GLG1: variants seen among roughly 807,000 people sequenced by gnomAD.
GLG1 encodes Golgi apparatus protein 1.
GLG1 carries 38 observed loss-of-function variants against 160.5 expected under a neutral mutation model. That is an observed-to-expected ratio of 0.24 (90% CI 0.18 to 0.31). The LOEUF (loss-of-function observed/expected upper bound fraction) is 0.31, where lower values mean the gene tolerates loss of function less well. GLG1 is among the 10% of genes least tolerant of loss of function. The pLI is 1.00. For missense variants in GLG1, 1,373 were observed against 1,505.2 expected, an observed-to-expected ratio of 0.91 and a Z score of 1.45; for synonymous variants, 644 against 543.4, an observed-to-expected ratio of 1.19 and a Z score of -2.57.
chr16:74,600,184 A>G (rs1352883555), intron 1 of GLG1, among the ~76,000 whole-genome samples: 1 of 152,184 alleles, frequency 6.6e-6, no homozygotes, highest in South Asian at 2.1e-4. Flanking sequence ...AGTTTCATAT[A>G]TATTAGAGAA....
Position 74,482,720 on chromosome 16 carries a change from C to A in GLG1, c.1673+303G>T, listed in dbSNP as rs145737684. Reference sequence around the variant, plus strand: ...GACATATCTGAAGGCGCTTTTGCCACCCCCACAGGTGCCATACTTCTTACT... The same window carrying A: ...GACATATCTGAAGGCGCTTTTGCCAACCCCACAGGTGCCATACTTCTTACT... On this transcript the variant is annotated intron_variant, in intron 10 of 25. Transcript: ENST00000422840. Among the ~76,000 whole-genome samples the A allele has an allele frequency of 4.6e-3, 702 of 152,292 alleles. 7 individuals are homozygous for A. The highest frequency in any genetic ancestry group is 0.017 in the African/African-American group (688 of 41,554).
chr16:74,550,716 G>A (rs1474096920), intron 1 of GLG1, among the ~76,000 whole-genome samples: 2 of 152,038 alleles, frequency 1.3e-5, no homozygotes, highest in Admixed American at 1.3e-4. Flanking sequence ...AGGGGGACAA[G>A]CTTGGCAGCA....
chr16:74,605,219 T>G (rs938503902), intron 1 of GLG1, among the ~76,000 whole-genome samples: 4 of 145,694 alleles, frequency 2.7e-5, no homozygotes, highest in African/African-American at 1.0e-4. Flanking sequence ...TTCCAATTTA[T>G]ATGACGCCTT....
intron 2 of GLG1, among the ~76,000 whole-genome samples, chr16:74,531,481 G>C (rs1162297182): frequency 6.6e-6 from 1 of 152,138 alleles, no homozygotes; most frequent in Non-Finnish European, 1.5e-5. Context: ...GCCATGCCCA[G>C]CTAATTTTTG....
chr16:74,509,645 C>T lies in GLG1; in HGVS notation c.472-720G>A, dbSNP rs533428102. ...CGGGCGGATCACGAGGTCAGGAGAT[C>T]GAGACCATCCTGGCTAACACAGTGA... On this transcript the variant is annotated intron_variant, in intron 2 of 25. Coordinates refer to ENST00000422840, the MANE Select transcript of GLG1 (RefSeq NM_001145667.2). Among the ~76,000 whole-genome samples, 272 of 151,852 alleles carry T rather than the reference C, an allele frequency of 1.8e-3. 1 individual carries two copies. Among genetic ancestry groups the T allele is most frequent in the African/African-American group, 6.4e-3 (264 of 41,406 alleles).
chr16:74,583,223 T>C lies in GLG1; in HGVS notation c.438+23434A>G, dbSNP rs542270538. ...TTGGCCATTTTCATAGCCCCAACTA[T>C]AGCCTTATAAGCAGGATGACTCTAA... On this transcript the variant is annotated intron_variant, in intron 1 of 25. Transcript: ENST00000422840. 4.6e-5 allele frequency among the ~76,000 whole-genome samples: 7 copies of C among 152,334 alleles called. No individual in the cohort carries two copies. In the South Asian group the frequency reaches 1.0e-3, roughly 23 times the overall value.
At chr16:74,498,728 G>T (rs1168879668) in intron 4 of GLG1, among the ~76,000 whole-genome samples, 1 of 149,930 alleles carries the variant, frequency 6.7e-6, no homozygotes, top group Non-Finnish European at 1.5e-5. Flanking sequence ...AGGTGGGTGT[G>T]GTGACACGTA....
chr16:74,479,698 G>A lies in GLG1; in HGVS notation c.1827+543C>T, dbSNP rs1414264373. ...AGAAGGTAGAGAAAGCCATCGTGGA[G>A]AACAAGTGCATGTCAGTGCGCACCG... On this transcript the variant is annotated intron_variant, in intron 11 of 25. Coordinates refer to ENST00000422840, the MANE Select transcript of GLG1 (RefSeq NM_001145667.2). Among the ~76,000 whole-genome samples the A allele has an allele frequency of 4.6e-5, 7 of 152,192 alleles. No individual in the cohort carries two copies. In the East Asian group the frequency reaches 1.2e-3, roughly 25 times the overall value.
At chr16:74,489,362 T>C (rs1336698231) in intron 8 of GLG1, among the ~76,000 whole-genome samples, 1 of 151,706 alleles carries the variant, frequency 6.6e-6, no homozygotes, top group African/African-American at 2.4e-5. Flanking sequence ...TCCCAGCTAC[T>C]CAGGAGGTTG....
At chr16:74,557,033 C>T (rs2018372942) in intron 1 of GLG1, among the ~76,000 whole-genome samples, 1 of 152,064 alleles carries the variant, frequency 6.6e-6, no homozygotes, top group Non-Finnish European at 1.5e-5. Flanking sequence ...ACTCCCCATA[C>T]ATTAAAGATA....
intron 2 of GLG1, among the ~76,000 whole-genome samples, chr16:74,524,653 G>C (rs771413971): frequency 6.6e-6 from 1 of 151,970 alleles, no homozygotes; most frequent in African/African-American, 2.4e-5. Flanking sequence ...AAGTACATAA[G>C]GATATAAATG....
intron 4 of GLG1, among the ~76,000 whole-genome samples, chr16:74,501,087 T>C (rs1299595919): frequency 3.9e-5 from 6 of 152,234 alleles, no homozygotes; most frequent in African/African-American, 7.2e-5. Flanking sequence ...AGCCTGTTGT[T>C]TTCTGTGTTC....
At chr16:74,597,851 C>CAAA (rs34802935) in intron 1 of GLG1, among the ~76,000 whole-genome samples, 3 of 103,078 alleles carry the variant, frequency 2.9e-5, no homozygotes. Context: ...GAGACTGCCT[C>CAAA]AAAAAAAAAA....
At chr16:74,465,044 G>T (rs1324143339) in intron 19 of GLG1, among the ~76,000 whole-genome samples, 1 of 152,034 alleles carries the variant, frequency 6.6e-6, no homozygotes, top group Non-Finnish European at 1.5e-5. Flanking sequence ...TCACCATGTT[G>T]GCCAGGCTGG....
chr16:74,584,027 C>A (rs1461893356), intron 1 of GLG1, among the ~76,000 whole-genome samples: 1 of 152,104 alleles, frequency 6.6e-6, no homozygotes, highest in African/African-American at 2.4e-5. Flanking sequence ...CTCCTTTGGC[C>A]CAAGTCTGTT....
Position 74,459,627 on chromosome 16 carries a change from GA to G in GLG1, c.3144+54del. On this transcript the variant is annotated intron_variant, in intron 23 of 25. Coordinates refer to ENST00000422840, the MANE Select transcript of GLG1 (RefSeq NM_001145667.2). Reference sequence around the variant, plus strand: ...AGGCAGACTACAGCATTAAAAGGAAGAAGAGAAAAAAAAAAAAAGAAATGAA... The same window carrying G: ...AGGCAGACTACAGCATTAAAAGGAAGAGAGAAAAAAAAAAAAAGAAATGAA... 3 of 897,202 alleles carry G rather than the reference GA, an allele frequency of 3.3e-6. No individual in the cohort carries two copies. The South Asian group carries it at 4.5e-5, about 13-fold the overall frequency. The allele number at this position is 897,202 out of a possible 1,614,324, so 55.6% of individuals were successfully genotyped here.
intron 2 of GLG1, among the ~76,000 whole-genome samples, chr16:74,520,641 G>GACA (rs765181662): frequency 1.7e-4 from 26 of 151,918 alleles, no homozygotes; most frequent in Middle Eastern, 3.4e-3. Flanking sequence ...CATCTCAAAC[G>GACA]ACAACAACAA....
At chr16:74,462,877 T>C in intron 20 of GLG1, 1 of 516,922 alleles carries the variant, frequency 1.9e-6, no homozygotes, top group Non-Finnish European at 3.4e-6. Flanking sequence ...CAGACTCCAA[T>C]ACTCTAAGGA....
rs896375102 is a variant in GLG1 at position 74,448,423 on chromosome 16, A to T, written c.*4744T>A. 2.6e-5 allele frequency: 4 copies of T among 152,198 alleles called. No individual in the cohort carries two copies. Among genetic ancestry groups the T allele is most frequent in the Admixed American group, 6.5e-5 (1 of 15,272 alleles). 9.4% of individuals were successfully genotyped at this position (152,198 alleles called of 1,614,324 possible). On this transcript the variant is annotated 3_prime_UTR_variant, in exon 26 of 26. Coordinates refer to ENST00000422840, the MANE Select transcript of GLG1 (RefSeq NM_001145667.2). ...ACTTAGGTGCTGCCCAAATGGTGAG[A>T]AATAAAAGGAAGCATTCTGGCCTTT...
Sources: allele counts gnomAD v4.1 joint callset (sites outside exome capture counted in the v4.1 genomes callset), GRCh38; gene constraint gnomAD v4.1.1; transcripts MANE v1.5; gene names NCBI Gene and HGNC (gene_info 2026-07-23, HGNC 2026-07-21).